The following NPEPPS variants were observed in gnomAD, a reference collection of about 807,000 sequenced individuals.
NPEPPS encodes the protein aminopeptidase puromycin sensitive, also known as puromycin-sensitive aminopeptidase.
NPEPPS carries 14 observed loss-of-function variants against 115.5 expected under a neutral mutation model. The ratio of observed to expected loss-of-function variants is 0.12; its 90% confidence interval spans 0.08 to 0.19. NPEPPS has a LOEUF of 0.19. Among genes scored for constraint, NPEPPS ranks in the 10% least tolerant of loss-of-function variants. NPEPPS has a pLI of 1.00. For missense variants in NPEPPS, 523 were observed against 1,110.8 expected, an observed-to-expected ratio of 0.47 and a Z score of 7.52; for synonymous variants, 285 against 390.6, an observed-to-expected ratio of 0.73 and a Z score of 3.19.
At chr17:47,529,927 TTTA>T (rs1430177575), upstream of NPEPPS, among the ~76,000 whole-genome samples, 8 of 126,854 alleles carry the variant, frequency 6.3e-5, no homozygotes, top group Admixed American at 8.4e-5. Flanking sequence ...ATTTTATTTA[TTTA>T]TTTATTTATT....
chr17:47,542,062 T>C (rs1165301943), intron 1 of NPEPPS, among the ~76,000 whole-genome samples: 2 of 152,198 alleles, frequency 1.3e-5, no homozygotes, highest in Non-Finnish European at 1.5e-5. Flanking sequence ...TACAGGTCTT[T>C]CATGCAGATA....
Position 47,622,555 on chromosome 17 carries a change from A to T in NPEPPS, c.*635A>T, listed in dbSNP as rs1485235527. On this transcript the variant is annotated 3_prime_UTR_variant, in exon 23 of 23. Transcript: ENST00000322157. ...TGTGACCGACCCCTTGGCCAAAAAAAAACAAAAAGCAAAAAACAAAAACCT... is the reference window on the plus strand; with the variant it reads ...TGTGACCGACCCCTTGGCCAAAAAATAACAAAAAGCAAAAAACAAAAACCT... 2 of 247,452 alleles carry T rather than the reference A, an allele frequency of 8.1e-6. No homozygotes were observed. The highest frequency in any genetic ancestry group is 1.6e-5 in the Non-Finnish European group (2 of 127,748). 15.3% of individuals were successfully genotyped at this position (247,452 alleles called of 1,614,324 possible). A position where few individuals can be genotyped will look rare whatever the true frequency, so the allele number is the denominator to read the frequency against.
chr17:47,582,642 C>G (rs531652026), intron 4 of NPEPPS, 100 bp from the exon 5 acceptor site: 1 of 803,282 alleles, frequency 1.2e-6, no homozygotes, highest in Non-Finnish European at 2.1e-6. Flanking sequence ...AATATTTGAA[C>G]AAGGGAATGA....
chr17:47,527,543 T>C (rs1907484817), upstream of NPEPPS, among the ~76,000 whole-genome samples: 1 of 151,440 alleles, frequency 6.6e-6, no homozygotes, highest in African/African-American at 2.4e-5. Flanking sequence ...TTGATAAACA[T>C]TCAATTACAG....
chr17:47,559,114 G>A (rs923716873), intron 2 of NPEPPS, among the ~76,000 whole-genome samples: 14 of 151,862 alleles, frequency 9.2e-5, no homozygotes, highest in African/African-American at 3.4e-4. Context: ...CAGGATCGCA[G>A]CTTACTGCAA....
At chr17:47,579,030 T>A (rs1911702898) in intron 3 of NPEPPS, among the ~76,000 whole-genome samples, 1 of 152,206 alleles carries the variant, frequency 6.6e-6, no homozygotes, top group Non-Finnish European at 1.5e-5. Flanking sequence ...TACTTCCAGG[T>A]TTATAAATAG....
At chr17:47,610,062 CT>C (rs1913748971) in intron 17 of NPEPPS, among the ~76,000 whole-genome samples, 1 of 151,902 alleles carries the variant, frequency 6.6e-6, no homozygotes. Context: ...AAAATTCACC[CT>C]TTTAAAGTAT....
intron 18 of NPEPPS, among the ~76,000 whole-genome samples, chr17:47,612,859 C>T (rs545412254): frequency 2.0e-4 from 31 of 152,144 alleles, no homozygotes; most frequent in Admixed American, 3.3e-4. Flanking sequence ...GACGAGGTTT[C>T]GCCATGTTGG....
intron 12 of NPEPPS, among the ~76,000 whole-genome samples, chr17:47,592,924 G>A (rs1315269390): frequency 6.6e-6 from 1 of 151,984 alleles, no homozygotes; most frequent in East Asian, 1.9e-4. Context: ...CCCATGACAG[G>A]CCCTGGTGTG....
chr17:47,524,987 A>C (rs1907378114), intron 1 of NPEPPS, among the ~76,000 whole-genome samples: 1 of 151,702 alleles, frequency 6.6e-6, no homozygotes, highest in South Asian at 2.1e-4. Context: ...TAAACAGAGA[A>C]GCCTAGAAGC....
In NPEPPS at chr17:47,558,020, G is replaced by A. The variant is rs138063266; in HGVS notation, c.341-11397G>A. Reference sequence around the variant, plus strand: ...CAACTTACTGCTACCTCCACCTCCCGGCTTCAAGCAATGCTTGTGCCTCAG... The same window carrying A: ...CAACTTACTGCTACCTCCACCTCCCAGCTTCAAGCAATGCTTGTGCCTCAG... On this transcript the variant is annotated intron_variant, in intron 2 of 22. Transcript: ENST00000322157. Among the ~76,000 whole-genome samples the A allele has an allele frequency of 6.0e-3, 889 of 148,482 alleles. 5 individuals are homozygous for A. The highest frequency in any genetic ancestry group is 0.018 in the African/African-American group (714 of 40,290).
chr17:47,598,729 C>G (rs567151778), intron 13 of NPEPPS, among the ~76,000 whole-genome samples: 1 of 152,330 alleles, frequency 6.6e-6, no homozygotes, highest in East Asian at 1.9e-4. Context: ...GAACAGAGAA[C>G]AGTAATGCCA....
At chr17:47,552,196 A>C (rs1909703638) in intron 2 of NPEPPS, among the ~76,000 whole-genome samples, 1 of 151,480 alleles carries the variant, frequency 6.6e-6, no homozygotes, top group Non-Finnish European at 1.5e-5. Context: ...AGACTCCAAG[A>C]CTCAAGCAGT....
At chr17:47,601,816 C>T in intron 15 of NPEPPS, 69 bp downstream of exon 15, 1 of 1,479,932 alleles carries the variant, frequency 6.8e-7, no homozygotes, top group Non-Finnish European at 9.2e-7. Flanking sequence ...TTAAATTCTG[C>T]TTCAGTTTAG....
chr17:47,609,334 G>T (rs1046207280), intron 17 of NPEPPS, among the ~76,000 whole-genome samples: 1 of 152,126 alleles, frequency 6.6e-6, no homozygotes, highest in Non-Finnish European at 1.5e-5. Flanking sequence ...AATGGATGTT[G>T]CACTTTTCTT....
intron 3 of NPEPPS, among the ~76,000 whole-genome samples, chr17:47,573,537 G>A (rs1240166505): frequency 6.6e-6 from 1 of 152,120 alleles, no homozygotes; most frequent in Non-Finnish European, 1.5e-5. Flanking sequence ...ACTTTCTACA[G>A]TGAAGAGAAA....
chr17:47,585,982 TG>T (rs1438267259), intron 6 of NPEPPS, 165 bp from the exon 7 acceptor site: 1 of 596,218 alleles, frequency 1.7e-6, no homozygotes, highest in African/African-American at 1.9e-5. Flanking sequence ...GTTTGGCCAT[TG>T]TATTCAAAGT....
intron 9 of NPEPPS, among the ~76,000 whole-genome samples, chr17:47,589,390 G>A (rs932382461): frequency 9.3e-5 from 14 of 151,096 alleles, no homozygotes; most frequent in Admixed American, 2.0e-4. Context: ...CAAGTAGCTG[G>A]GACCACAGGT....
chr17:47,606,495 T>C (rs1233968860), intron 17 of NPEPPS, among the ~76,000 whole-genome samples: 1 of 151,916 alleles, frequency 6.6e-6, no homozygotes, highest in Non-Finnish European at 1.5e-5. Flanking sequence ...TTCACTCTTG[T>C]CACCCAGGCT....
Sources: gnomAD v4.1 joint callset for allele counts (sites outside exome capture counted in the v4.1 genomes callset) on GRCh38, gnomAD v4.1.1 for gene constraint, MANE v1.5 for transcripts, NCBI Gene and HGNC (gene_info 2026-07-23, HGNC 2026-07-21) for gene names.